POC1B: variants seen among roughly 807,000 people sequenced by gnomAD.
POC1B encodes POC1 centriolar protein B, also known as POC1 centriolar protein homolog B.
Under a neutral mutation model 60.6 loss-of-function variants are expected in POC1B, and 44 were observed. The ratio of observed to expected loss-of-function variants is 0.73; its 90% CI spans 0.57 to 0.93. POC1B has a LOEUF of 0.93. Ranked by LOEUF, POC1B falls within the 40% of genes least tolerant of loss-of-function variation. The pLI, the probability that POC1B is intolerant of heterozygous loss-of-function variation, is 0.00. For missense variants in POC1B, 555 were observed against 572.3 expected (o/e 0.97, Z 0.31); for synonymous variants, 180 against 198.9 (o/e 0.90, Z 0.80).
chr12:89,475,484 T>A (rs1464083410), intron 4 of POC1B, among the ~76,000 whole-genome samples: 2 of 152,144 alleles, frequency 1.3e-5, no homozygotes, highest in Non-Finnish European at 2.9e-5. Context: ...GCATTTGAGG[T>A]GGCTGAAAGT....
chr12:89,508,666 T>A (rs142006156), intron 2 of POC1B, among the ~76,000 whole-genome samples: 29 of 152,326 alleles, frequency 1.9e-4, no homozygotes, highest in African/African-American at 6.3e-4. Context: ...GAAAATCTCA[T>A]CTTGAATTGT....
chr12:89,462,911 C>T (rs1882531747), intron 9 of POC1B, among the ~76,000 whole-genome samples: 1 of 151,926 alleles, frequency 6.6e-6, no homozygotes, highest in Non-Finnish European at 1.5e-5. Flanking sequence ...TTTACTGAGG[C>T]CTGAAACAGT....
intron 10 of POC1B, among the ~76,000 whole-genome samples, chr12:89,437,414 A>C (rs12314607): frequency 0.021 from 3,243 of 152,130 alleles, 115 homozygotes; most frequent in African/African-American, 0.074. Flanking sequence ...GCAAACCTGA[A>C]ATGTCCGGTT....
At chr12:89,415,642 CA>C (rs35705271), downstream of POC1B, among the ~76,000 whole-genome samples, 7,187 of 124,002 alleles carry the variant, frequency 0.058, 414 homozygotes, top group East Asian at 0.13. Context: ...GACTCCGTCT[CA>C]AAAAAAAAAA....
At chr12:89,468,173 G>C (rs916687572) in intron 7 of POC1B, among the ~76,000 whole-genome samples, 1 of 152,216 alleles carries the variant, frequency 6.6e-6, no homozygotes, top group Non-Finnish European at 1.5e-5. Context: ...ACACAGATAG[G>C]AGGAGAGCTG....
At chr12:89,413,295 TC>T in the POC1B span, among the ~76,000 whole-genome samples, 1 of 152,124 alleles carries the variant, frequency 6.6e-6, no homozygotes, top group African/African-American at 2.4e-5. Flanking sequence ...AGACTCGAAC[TC>T]CTGGGCTCAA....
chr12:89,509,875 T>G (rs1870091483), intron 2 of POC1B, among the ~76,000 whole-genome samples: 1 of 152,330 alleles, frequency 6.6e-6, no homozygotes, highest in East Asian at 1.9e-4. Context: ...CGACAGAGTC[T>G]CACTCTGTTG....
intron 10 of POC1B, among the ~76,000 whole-genome samples, chr12:89,433,053 G>A (rs150901017): frequency 1.3e-5 from 2 of 152,330 alleles, no homozygotes; most frequent in East Asian, 3.9e-4. Context: ...CAGGTGGACC[G>A]AGATGAGTCC....
In POC1B at chr12:89,500,003, C is replaced by T. The variant is rs1170775725; in HGVS notation, c.101-2661G>A. 5.7e-6 allele frequency: 5 copies of T among 879,602 alleles called. No homozygotes were observed. The South Asian group carries it at 5.8e-5, about 10-fold the overall frequency. 54.5% of individuals were successfully genotyped at this position (879,602 alleles called of 1,614,324 possible). A position where few individuals can be genotyped will look rare whatever the true frequency, so the allele number is the denominator to read the frequency against. ...GTTGCTTGGCCGCCGCCTGGTAGTCCGGCGATTCATTTCTTGCTCGGCCTC... is the reference window on the plus strand; with the variant it reads ...GTTGCTTGGCCGCCGCCTGGTAGTCTGGCGATTCATTTCTTGCTCGGCCTC... On this transcript the variant is annotated intron_variant, in intron 2 of 11. Coordinates refer to ENST00000313546, the MANE Select transcript of POC1B (RefSeq NM_172240.3).
At chr12:89,520,604 A>C (rs955342515) in intron 2 of POC1B, 1 of 152,196 alleles carries the variant, frequency 6.6e-6, no homozygotes, top group Non-Finnish European at 1.5e-5. Flanking sequence ...TAATTTACAG[A>C]AACTGTGAAT....
chr12:89,481,972 C>T (rs1322293954), intron 4 of POC1B, among the ~76,000 whole-genome samples: 1 of 152,056 alleles, frequency 6.6e-6, no homozygotes, highest in Admixed American at 6.6e-5. Context: ...TAATTTCATA[C>T]CAGAACAAAA....
intron 10 of POC1B, among the ~76,000 whole-genome samples, chr12:89,437,112 C>T (rs1292777954): frequency 1.3e-5 from 2 of 152,184 alleles, no homozygotes; most frequent in Non-Finnish European, 2.9e-5. Context: ...CCCTATGCTA[C>T]AGCACTCGAT....
rs547292614 is a variant in POC1B, at chr12:89,466,279, T to C, written c.1032+491A>G. On this transcript the variant is annotated intron_variant, in intron 9 of 11. Transcript: ENST00000313546. ...TTGTCAGCAAAAACCTACAGCTAAA[T>C]AGATAACTATATATGCAAAATATAT... 5.3e-5 allele frequency among the ~76,000 whole-genome samples: 8 copies of C among 152,360 alleles called. No homozygotes were observed. In the East Asian group the frequency reaches 1.2e-3, roughly 22 times the overall value.
At chr12:89,474,703 C>T (rs559454196) in intron 4 of POC1B, among the ~76,000 whole-genome samples, 2 of 152,246 alleles carry the variant, frequency 1.3e-5, no homozygotes, top group South Asian at 4.1e-4. Context: ...ATCTCTGAAC[C>T]ACTCTGCTTA....
At chr12:89,505,694 A>T (rs1869860047) in intron 2 of POC1B, among the ~76,000 whole-genome samples, 2 of 152,230 alleles carry the variant, frequency 1.3e-5, no homozygotes, top group Admixed American at 1.3e-4. Flanking sequence ...CTTTACAGTT[A>T]TATGATTTGT....
intron 11 of POC1B, among the ~76,000 whole-genome samples, chr12:89,424,566 G>T (rs1365272861): frequency 1.3e-5 from 2 of 152,100 alleles, no homozygotes; most frequent in Non-Finnish European, 2.9e-5. Context: ...TATTCAAAGG[G>T]AACAATGAAT....
chr12:89,432,165 C>T (rs1470140175), intron 10 of POC1B, among the ~76,000 whole-genome samples: 1 of 151,876 alleles, frequency 6.6e-6, no homozygotes, highest in Non-Finnish European at 1.5e-5. Flanking sequence ...GGGCGGATTG[C>T]CTGAGCTCAA....
At chr12:89,458,813 T>C (rs1409084968) in intron 10 of POC1B, among the ~76,000 whole-genome samples, 2 of 152,234 alleles carry the variant, frequency 1.3e-5, no homozygotes, top group African/African-American at 4.8e-5. Flanking sequence ...CATTTGTTCT[T>C]ACGATTAGTT....
intron 2 of POC1B, chr12:89,523,866 A>G: frequency 6.4e-7 from 1 of 1,563,088 alleles, no homozygotes; most frequent in Non-Finnish European, 8.6e-7. Flanking sequence ...ACTCACAGTG[A>G]CAATCCAGGA....
Sources: allele counts gnomAD v4.1 joint callset (sites outside exome capture counted in the v4.1 genomes callset), GRCh38; gene constraint gnomAD v4.1.1; transcripts MANE v1.5; gene names NCBI Gene and HGNC (gene_info 2026-07-23, HGNC 2026-07-21).